ATP10B: variants seen among roughly 807,000 people sequenced by gnomAD.
ATP10B encodes the protein ATPase phospholipid transporting 10B (putative), also known as phospholipid-transporting ATPase VB.
A neutral mutation model predicts 141.2 loss-of-function variants in ATP10B; 122 were observed. The observed-to-expected ratio is 0.86, with a 90% CI of 0.75 to 1.00. The LOEUF (loss-of-function observed/expected upper bound fraction) is 1.00, where lower values mean the gene tolerates loss of function less well. Among genes scored for constraint, ATP10B ranks in the 50% least tolerant of loss-of-function variants. The pLI is 0.00. For missense variants in ATP10B, 1,876 were observed against 1,825.3 expected, an observed-to-expected ratio of 1.03 and a Z score of -0.51; for synonymous variants, 685 against 692.0, an observed-to-expected ratio of 0.99 and a Z score of 0.16.
chr5:160,855,095 A>G (rs1753963689), upstream of ATP10B, among the ~76,000 whole-genome samples: 1 of 152,140 alleles, frequency 6.6e-6, no homozygotes, highest in South Asian at 2.1e-4. Flanking sequence ...GAATAAATGC[A>G]CAGACAGAAG....
intron 1 of ATP10B, among the ~76,000 whole-genome samples, chr5:160,796,267 C>A (rs965576120): frequency 5.3e-5 from 8 of 152,212 alleles, no homozygotes; most frequent in African/African-American, 1.9e-4. Context: ...TTGTCTCCAT[C>A]ACCCTCTCCA....
intron 6 of ATP10B, among the ~76,000 whole-genome samples, chr5:160,672,826 C>T (rs976641457): frequency 1.3e-5 from 2 of 152,216 alleles, no homozygotes; most frequent in African/African-American, 4.8e-5. Flanking sequence ...TCACAAAAGT[C>T]CCTGAGGAGG....
the ATP10B span, among the ~76,000 whole-genome samples, chr5:160,890,425 C>T: frequency 1.3e-5 from 2 of 152,152 alleles, no homozygotes; most frequent in Non-Finnish European, 2.9e-5. Flanking sequence ...GAAACCCTCC[C>T]CATTAAGCAG....
At chr5:160,640,081 T>C (rs1759722121) in intron 10 of ATP10B, among the ~76,000 whole-genome samples, 1 of 152,232 alleles carries the variant, frequency 6.6e-6, no homozygotes, top group Non-Finnish European at 1.5e-5. Flanking sequence ...CCTACTGAAA[T>C]TGATTTTGAA....
chr5:160,614,847 A>C (rs866143077), intron 17 of ATP10B, among the ~76,000 whole-genome samples: 1 of 152,178 alleles, frequency 6.6e-6, no homozygotes, highest in African/African-American at 2.4e-5. Context: ...CTTGGTCCTC[A>C]TCCCCAGGTC....
At chr5:160,873,531 C>A in the ATP10B span, among the ~76,000 whole-genome samples, 1 of 152,186 alleles carries the variant, frequency 6.6e-6, no homozygotes, top group East Asian at 1.9e-4. Context: ...TCTCGAGGAG[C>A]CAAGTTGGCC....
intron 2 of ATP10B, among the ~76,000 whole-genome samples, chr5:160,725,274 T>C (rs1172388429): frequency 6.6e-6 from 1 of 152,132 alleles, no homozygotes; most frequent in Non-Finnish European, 1.5e-5. Context: ...GCAAAATCTT[T>C]GGTTGAGTTC....
chr5:160,608,228 C>A (rs1757509783), intron 18 of ATP10B, among the ~76,000 whole-genome samples: 1 of 152,174 alleles, frequency 6.6e-6, no homozygotes, highest in South Asian at 2.1e-4. Flanking sequence ...TGGTTTCCAG[C>A]TTCATCCATG....
At chr5:160,828,575 G>A (rs1581613998) in intron 1 of ATP10B, among the ~76,000 whole-genome samples, 1 of 151,784 alleles carries the variant, frequency 6.6e-6, no homozygotes, top group Admixed American at 6.5e-5. Flanking sequence ...TGGAGAGGAT[G>A]TGGAGAAATA....
At chr5:160,893,976 C>G in the ATP10B span, among the ~76,000 whole-genome samples, 1 of 152,134 alleles carries the variant, frequency 6.6e-6, no homozygotes, top group Non-Finnish European at 1.5e-5. Context: ...GGAAACCTAA[C>G]AAACAGAAAG....
chr5:160,738,069 T>G (rs2963196), intron 2 of ATP10B, among the ~76,000 whole-genome samples: 2 of 152,176 alleles, frequency 1.3e-5, no homozygotes, highest in African/African-American at 4.8e-5. Flanking sequence ...ATCTAAAAAG[T>G]CTGAAATCAT....
At chr5:160,924,063 CA>C in the ATP10B span, among the ~76,000 whole-genome samples, 1 of 152,130 alleles carries the variant, frequency 6.6e-6, no homozygotes. Context: ...TAAGATTAGG[CA>C]AAAGAAAAAC....
At chr5:160,928,740 A>G in the ATP10B span, among the ~76,000 whole-genome samples, 2 of 152,094 alleles carry the variant, frequency 1.3e-5, no homozygotes, top group African/African-American at 4.8e-5. Flanking sequence ...CCCCACACAC[A>G]TTTCTTTCAA....
the ATP10B span, among the ~76,000 whole-genome samples, chr5:160,927,151 T>TA: frequency 6.6e-6 from 1 of 152,210 alleles, no homozygotes; most frequent in African/African-American, 2.4e-5. Flanking sequence ...TTGGATCCCC[T>TA]GATTCCAAAT....
chr5:160,615,208 T>C (rs1045234630), intron 17 of ATP10B, among the ~76,000 whole-genome samples: 25 of 152,174 alleles, frequency 1.6e-4, no homozygotes, highest in Non-Finnish European at 3.1e-4. Context: ...TGACCTTTCC[T>C]GCCTTCCATC....
intron 2 of ATP10B, among the ~76,000 whole-genome samples, chr5:160,729,559 G>A (rs1164751845): frequency 6.6e-6 from 1 of 152,166 alleles, no homozygotes; most frequent in Admixed American, 6.5e-5. Context: ...AATCAGAGTA[G>A]CGGTACAAGC....
chr5:160,727,385 C>A (rs555121513), intron 2 of ATP10B, among the ~76,000 whole-genome samples: 1 of 152,268 alleles, frequency 6.6e-6, no homozygotes, highest in African/African-American at 2.4e-5. Flanking sequence ...CCAAAGCACA[C>A]GCATTTCCCG....
At chr5:160,882,933 ATTGG>A in the ATP10B span, among the ~76,000 whole-genome samples, 2 of 152,200 alleles carry the variant, frequency 1.3e-5, no homozygotes, top group African/African-American at 2.4e-5. Context: ...AAAAAATAGA[ATTGG>A]TTGGTCTGCC....
At chr5:160,739,232 G>A (rs1376425598) in intron 2 of ATP10B, among the ~76,000 whole-genome samples, 5 of 152,246 alleles carry the variant, frequency 3.3e-5, no homozygotes, top group East Asian at 3.9e-4. Flanking sequence ...ATCTATATTC[G>A]ATGGTGAGAG....
Sources: gnomAD v4.1 joint callset for allele counts (sites outside exome capture counted in the v4.1 genomes callset) on GRCh38, gnomAD v4.1.1 for gene constraint, MANE v1.5 for transcripts, NCBI Gene and HGNC (gene_info 2026-07-23, HGNC 2026-07-21) for gene names.